Variants in AHCTF1 observed in about 807,000 individuals in gnomAD.
The protein encoded by AHCTF1 is protein ELYS.
Under a neutral mutation model 248.4 loss-of-function variants are expected in AHCTF1, and 24 were observed. That is an observed-to-expected ratio of 0.10 (90% confidence interval 0.07 to 0.14). AHCTF1 has a LOEUF of 0.14. Ranked by LOEUF, AHCTF1 falls within the 10% of genes least tolerant of loss-of-function variation. The probability of loss-of-function intolerance (pLI) is 1.00; values close to 1 mark genes in which losing one functional copy is unlikely to be tolerated. For missense variants in AHCTF1, 2,206 were observed against 2,636.2 expected (o/e 0.84, Z 3.57); for synonymous variants, 786 against 929.8 (o/e 0.85, Z 2.81).
intron 14 of AHCTF1, among the ~76,000 whole-genome samples, chr1:246,892,301 C>CTTTTTCTT (rs1664261181): frequency 1.5e-5 from 1 of 64,974 alleles, no homozygotes; most frequent in African/African-American, 6.3e-5. Flanking sequence ...ATTTGTTTTA[C>CTTTTTCTT]TTTTTTTTTT....
Position 246,864,032 on chromosome 1 carries a change from C to G in AHCTF1, c.3432G>C (p.Leu1144Phe), listed in dbSNP as rs1441239183. The G allele has an allele frequency of 1.2e-6, 2 of 1,613,946 alleles. No individual in the cohort carries two copies. The highest frequency in any genetic ancestry group is 2.7e-5 in the African/African-American group (2 of 74,896). Residue 1144 changes from leucine to phenylalanine, a missense_variant, in exon 27 of 36, where the codon TTG (leucine) becomes TTC (phenylalanine). Physicochemically the swap from Leu to Phe is conservative, Grantham distance 22. Coordinates refer to ENST00000648844, the MANE Select transcript of AHCTF1 (RefSeq NM_001323342.2). ...AGGGCAGTGAACGGGATACTAGGTA[C>G]AAAGGAGATTTCATGGAGCTTTGCT... ...FIQQSSMKSP[L>F]YLVSRSLPSS...
At chr1:246,911,462 GTCTA>G (rs1665793821) in intron 4 of AHCTF1, among the ~76,000 whole-genome samples, 1 of 145,782 alleles carries the variant, frequency 6.9e-6, no homozygotes, top group African/African-American at 2.5e-5. Context: ...AAGGTATAGT[GTCTA>G]TCTATGAAGA....
intron 24 of AHCTF1, among the ~76,000 whole-genome samples, chr1:246,872,051 CAAAAAA>C (rs753977798): frequency 0.011 from 893 of 83,734 alleles, 7 homozygotes; most frequent in African/African-American, 0.031. Flanking sequence ...CTATTAATGA[CAAAAAA>C]AAAAAAAAAA....
chr1:246,850,126 A>G lies in AHCTF1; in HGVS notation c.5880T>C (p.Thr1960=). 6.2e-7 allele frequency: 1 copy of G among 1,613,960 alleles called. No individual in the cohort carries two copies. The highest frequency in any genetic ancestry group is 8.5e-7 in the Non-Finnish European group (1 of 1,179,864). The change falls in exon 33 of 36, where the codon ACT becomes ACC. Residue 1960 remains threonine, a synonymous_variant. Transcript: ENST00000648844. ...CAGACATATCAAATTCTGCTTGAAC[A>G]GTCAACTGAGATGACTCAAGGTTGG... ...EDSNLESSQL[T]VQAEFDMSAI... is the part of the protein sequence containing the mutation.
rs139947110 is a variant in AHCTF1, at chr1:246,850,247, T to G, written c.5759A>C (p.Lys1920Thr). 6.6e-5 allele frequency: 107 copies of G among 1,613,974 alleles called. 1 individual carries two copies. In the African/African-American group the frequency reaches 1.2e-3, roughly 18 times the overall value. The change falls in exon 33 of 36, where the codon AAG becomes ACG. Residue 1920 changes from lysine to threonine, a missense_variant. Around this residue, in one of 6 missense-constraint regions of AHCTF1, gnomAD observed 469 missense variants for 470.0 expected, o/e 1.00. Transcript: ENST00000648844. ...CTTGTCACTGGATTTATCATCTTGC[T>G]TATTTCCTGTATTTTCAGAAGCATC... The part of the protein sequence containing the change: ...NLDASENTGN[K>T]QDDKSSDKQL...
intron 21 of AHCTF1, among the ~76,000 whole-genome samples, chr1:246,881,488 A>T (rs929875232): frequency 2.0e-5 from 3 of 152,184 alleles, no homozygotes. Flanking sequence ...TGGAGAATAC[A>T]TTGAGTACTT....
chr1:246,872,456 C>T (rs1021623658), intron 24 of AHCTF1, among the ~76,000 whole-genome samples: 1 of 152,182 alleles, frequency 6.6e-6, no homozygotes, highest in African/African-American at 2.4e-5. Context: ...CAGAGCTTTA[C>T]TCAAAGACAT....
intron 24 of AHCTF1, among the ~76,000 whole-genome samples, chr1:246,873,894 A>G (rs895689116): frequency 6.6e-6 from 1 of 152,154 alleles, no homozygotes; most frequent in African/African-American, 2.4e-5. Flanking sequence ...AAGTCCTACT[A>G]AACTATTCAA....
intron 1 of AHCTF1, among the ~76,000 whole-genome samples, chr1:246,925,648 A>T (rs1429522585): frequency 6.6e-6 from 1 of 152,072 alleles, no homozygotes; most frequent in Non-Finnish European, 1.5e-5. Context: ...TGGTTTGTAT[A>T]ACTGTCCCCT....
chr1:246,853,006 G>T (rs1198309124), intron 32 of AHCTF1, 85 bp downstream of exon 32: 1 of 927,844 alleles, frequency 1.1e-6, no homozygotes, highest in Non-Finnish European at 1.6e-6. Context: ...ATAAATGAAC[G>T]TGTTAGATTT....
chr1:246,869,061 G>T (rs761634146), intron 24 of AHCTF1, among the ~76,000 whole-genome samples: 3 of 151,430 alleles, frequency 2.0e-5, no homozygotes, highest in Non-Finnish European at 4.4e-5. Flanking sequence ...GGCCAGGATG[G>T]TCTCGATCTC....
Position 246,850,727 on chromosome 1 carries a change from G to A in AHCTF1, c.5279C>T (p.Ala1760Val), listed in dbSNP as rs2103042902. Residue 1760 changes from alanine to valine, a missense_variant, in exon 33 of 36, where the codon GCA becomes GTA. Ala to Val is a moderately conservative substitution (Grantham distance 64). Coordinates refer to ENST00000648844, the MANE Select transcript of AHCTF1 (RefSeq NM_001323342.2). Reference protein sequence around the residue: ...NVKSAQQEASADVATPKMPGQ... With the variant: ...NVKSAQQEASVDVATPKMPGQ... ...TGGCATCTTAGGAGTAGCAACATCT[G>A]CTGATGCTTCCTGTTGTGCTGATTT... 6.2e-7 allele frequency: 1 copy of A among 1,613,782 alleles called. No individual in the cohort carries two copies. The highest frequency in any genetic ancestry group is 8.5e-7 in the Non-Finnish European group (1 of 1,179,780).
At chr1:246,878,939 T>C (rs904605037) in intron 21 of AHCTF1, among the ~76,000 whole-genome samples, 1 of 152,172 alleles carries the variant, frequency 6.6e-6, no homozygotes, top group Admixed American at 6.5e-5. Flanking sequence ...TGTAGAAGAG[T>C]GTTCATCTGC....
chr1:246,867,914 C>G (rs1027838374), intron 24 of AHCTF1, 103 bp from the exon 25 acceptor site: 2 of 516,326 alleles, frequency 3.9e-6, no homozygotes, highest in South Asian at 5.5e-5. Context: ...CACACACACA[C>G]ACACACATTA....
chr1:246,843,474 C>CTT (rs988152313), intron 34 of AHCTF1, among the ~76,000 whole-genome samples: 11 of 152,274 alleles, frequency 7.2e-5, no homozygotes, highest in Non-Finnish European at 1.3e-4. Context: ...TCAACTATTT[C>CTT]TTTAAAAAAC....
At chr1:246,924,974 T>A (rs1036934881) in intron 1 of AHCTF1, among the ~76,000 whole-genome samples, 44 of 152,194 alleles carry the variant, frequency 2.9e-4, no homozygotes, top group African/African-American at 1.0e-3. Context: ...TGGACCCTAT[T>A]CATCTCCTAA....
intron 10 of AHCTF1, 24 bp downstream of exon 10, chr1:246,900,041 A>C (rs1440321147): frequency 2.5e-6 from 4 of 1,579,040 alleles, no homozygotes; most frequent in Admixed American, 3.8e-5. Context: ...TTTTCTTAAG[A>C]GGTAATGTTA....
chr1:246,887,503 G>C, intron 19 of AHCTF1, 146 bp from the exon 20 acceptor site: 2 of 760,316 alleles, frequency 2.6e-6, no homozygotes, highest in South Asian at 2.1e-5. Flanking sequence ...TGGAGAGTCA[G>C]CAATGAGAAG....
rs371888208 is a variant in AHCTF1, at chr1:246,863,984, C to T, written c.3480G>A (p.Ser1160=). ...SLPSSSQLKG[S]PQAISRASEL... Reference sequence around the variant, plus strand: ...CTGAAGCCCTGGAGATGGCCTGAGGCGATCCTTTTAATTGCGAACTTGAGG... The same window carrying T: ...CTGAAGCCCTGGAGATGGCCTGAGGTGATCCTTTTAATTGCGAACTTGAGG... Residue 1160 remains serine, a synonymous_variant, in exon 27 of 36, where the codon TCG becomes TCA. Transcript: ENST00000648844. The T allele has an allele frequency of 1.5e-5, 25 of 1,614,010 alleles. No individual in the cohort carries two copies. Among genetic ancestry groups the T allele is most frequent in the Middle Eastern group, 3.3e-4 (2 of 6,056 alleles).
Sources: allele counts gnomAD v4.1 joint callset (sites outside exome capture counted in the v4.1 genomes callset), GRCh38; gene constraint gnomAD v4.1.1; regional missense constraint gnomAD v4.1.1; transcripts MANE v1.5; gene names NCBI Gene and HGNC (gene_info 2026-07-23, HGNC 2026-07-21).